TBCK: variants seen among roughly 807,000 people sequenced by gnomAD.
TBCK encodes the protein TBC1 domain containing kinase, also known as TBC domain-containing protein kinase-like protein.
In TBCK, 99 loss-of-function variants were observed where a neutral mutation model predicts 113.4. The observed-to-expected ratio is 0.87, with a 90% CI of 0.74 to 1.03. The LOEUF (loss-of-function observed/expected upper bound fraction) is 1.03. TBCK is among the 50% of genes least tolerant of loss of function. TBCK has a pLI of 0.00. For synonymous variants in TBCK, 369 were observed against 370.8 expected, an observed-to-expected ratio of 1.00 and a Z score of 0.05; for missense variants, 1,045 against 1,061.3, an observed-to-expected ratio of 0.98 and a Z score of 0.21.
chr4:106,263,018 CCTTTT>C (rs1218723873), intron 3 of TBCK, among the ~76,000 whole-genome samples: 1 of 151,846 alleles, frequency 6.6e-6, no homozygotes, highest in African/African-American at 2.4e-5. Flanking sequence ...TGTCAACATT[CCTTTT>C]CTTTTTGAAA....
At chr4:106,128,049 C>T (rs1486998918) in intron 23 of TBCK, among the ~76,000 whole-genome samples, 1 of 152,046 alleles carries the variant, frequency 6.6e-6, no homozygotes, top group Non-Finnish European at 1.5e-5. Flanking sequence ...ACTCTAGAGG[C>T]TGAATGCAAT....
At chr4:106,258,670 C>T (rs1209858090) in intron 5 of TBCK, among the ~76,000 whole-genome samples, 32 of 151,910 alleles carry the variant, frequency 2.1e-4, no homozygotes, top group Admixed American at 2.1e-3. Context: ...AAATCAAAAA[C>T]TTAAAGTAAT....
At chr4:106,315,278 T>C (rs1188924406) in intron 1 of TBCK, among the ~76,000 whole-genome samples, 1 of 152,118 alleles carries the variant, frequency 6.6e-6, no homozygotes, top group Non-Finnish European at 1.5e-5. Flanking sequence ...CAAAGGATAA[T>C]GAACAAGTCA....
chr4:106,193,918 T>C, intron 21 of TBCK, 148 bp from the exon 22 acceptor site: 2 of 549,002 alleles, frequency 3.6e-6, no homozygotes, highest in Non-Finnish European at 6.1e-6. Flanking sequence ...TTATGAAATG[T>C]TTATTTGGCT....
chr4:106,235,191 T>G, intron 15 of TBCK, 78 bp downstream of exon 15: 1 of 885,682 alleles, frequency 1.1e-6, no homozygotes, highest in Non-Finnish European at 1.6e-6. Context: ...TAGAAAAATA[T>G]ATATTTGGAA....
chr4:106,129,334 T>G (rs1272042794), intron 23 of TBCK, among the ~76,000 whole-genome samples: 1 of 152,154 alleles, frequency 6.6e-6, no homozygotes, highest in Non-Finnish European at 1.5e-5. Flanking sequence ...GTTGTTCCCC[T>G]CCCTGTGCCC....
At chr4:106,261,983 G>T in intron 4 of TBCK, 115 bp downstream of exon 4, 1 of 465,422 alleles carries the variant, frequency 2.1e-6, no homozygotes, top group Non-Finnish European at 3.7e-6. Context: ...TTTTCATTAT[G>T]AATATTCTTA....
intron 23 of TBCK, among the ~76,000 whole-genome samples, chr4:106,132,456 A>C (rs1016506567): frequency 2.6e-5 from 4 of 152,216 alleles, no homozygotes; most frequent in Non-Finnish European, 1.5e-5. Flanking sequence ...TCAAGAATTG[A>C]GGTTTAGAAA....
At position 106,192,806 on chromosome 4, in the gene TBCK, C is replaced by G. The variant is rs1048438463; in HGVS notation, c.2059+803G>C. 8.6e-5 allele frequency among the ~76,000 whole-genome samples: 13 copies of G among 151,850 alleles called. 1 individual carries two copies. Among genetic ancestry groups the G allele is most frequent in the Admixed American group, 8.5e-4 (13 of 15,230 alleles). On this transcript the variant is annotated intron_variant, in intron 22 of 25. Coordinates refer to ENST00000394708, the MANE Select transcript of TBCK (RefSeq NM_001163435.3). ...TTTTGTTTTTTATTTGGTTTTCAGG[C>G]AAATTTGATTCTGGGATAATTTTAA...
chr4:106,175,441 G>T (rs1751550252), intron 22 of TBCK, among the ~76,000 whole-genome samples: 1 of 147,226 alleles, frequency 6.8e-6, no homozygotes, highest in African/African-American at 2.5e-5. Context: ...TGGTTATTTT[G>T]TTAGAAGACT....
At chr4:106,236,968 G>C (rs1007502773) in intron 12 of TBCK, among the ~76,000 whole-genome samples, 160 bp from the exon 13 acceptor site, 5 of 151,960 alleles carry the variant, frequency 3.3e-5, no homozygotes, top group African/African-American at 1.2e-4. Flanking sequence ...AAACATGCAA[G>C]CATACAATGC....
intron 25 of TBCK, among the ~76,000 whole-genome samples, chr4:106,079,893 G>A (rs1237065451): frequency 6.6e-6 from 1 of 152,160 alleles, no homozygotes; most frequent in Non-Finnish European, 1.5e-5. Context: ...GCAGCAGGAG[G>A]AAGACAACAA....
chr4:106,245,373 C>G (rs898143700), intron 10 of TBCK, among the ~76,000 whole-genome samples: 3 of 152,130 alleles, frequency 2.0e-5, no homozygotes, highest in African/African-American at 7.2e-5. Flanking sequence ...GAGGCTAACT[C>G]ACTTAGATAA....
intron 22 of TBCK, among the ~76,000 whole-genome samples, 173 bp downstream of exon 22, chr4:106,193,436 T>C (rs1341212002): frequency 2.0e-5 from 3 of 152,204 alleles, no homozygotes; most frequent in African/African-American, 7.2e-5. Flanking sequence ...GTATTTACAA[T>C]GCTGGGTCAG....
At chr4:106,148,412 T>C (rs2149674378) in intron 23 of TBCK, among the ~76,000 whole-genome samples, 1 of 152,340 alleles carries the variant, frequency 6.6e-6, no homozygotes, top group South Asian at 2.1e-4. Flanking sequence ...TTTTGTACTC[T>C]GTCCCTTTAT....
At chr4:106,112,248 AAAAGC>A (rs1335734833) in intron 24 of TBCK, among the ~76,000 whole-genome samples, 3 of 152,200 alleles carry the variant, frequency 2.0e-5, no homozygotes, top group Non-Finnish European at 4.4e-5. Flanking sequence ...CCTTTAAGTA[AAAAGC>A]AATTCAAGGC....
intron 3 of TBCK, among the ~76,000 whole-genome samples, chr4:106,273,216 C>T (rs530280360): frequency 6.6e-6 from 1 of 152,232 alleles, no homozygotes; most frequent in East Asian, 1.9e-4. Flanking sequence ...AGATGAAGTT[C>T]CTCTTGAAAA....
intron 23 of TBCK, among the ~76,000 whole-genome samples, chr4:106,154,222 GGT>G (rs766855570): frequency 3.3e-5 from 5 of 151,456 alleles, no homozygotes; most frequent in Admixed American, 6.6e-5. Flanking sequence ...ATGTATCTGT[GGT>G]GTGTTTTTTG....
chr4:106,187,125 G>A (rs1448879156), intron 22 of TBCK, among the ~76,000 whole-genome samples: 1 of 152,160 alleles, frequency 6.6e-6, no homozygotes, highest in Non-Finnish European at 1.5e-5. Flanking sequence ...GTACCGTGCT[G>A]TTTTGTTTAC....
Sources: gnomAD v4.1 joint callset for allele counts (sites outside exome capture counted in the v4.1 genomes callset) on GRCh38, gnomAD v4.1.1 for gene constraint, MANE v1.5 for transcripts, NCBI Gene and HGNC (gene_info 2026-07-23, HGNC 2026-07-21) for gene names.